HROB: variants seen among roughly 807,000 people sequenced by gnomAD.
HROB encodes the protein homologous recombination OB-fold protein.
Under a neutral mutation model 61.0 loss-of-function variants are expected in HROB, and 44 were observed. That is an observed-to-expected ratio of 0.72 (90% confidence interval 0.57 to 0.93). The LOEUF (loss-of-function observed/expected upper bound fraction) is 0.93. Among genes scored for constraint, HROB ranks in the 40% least tolerant of loss-of-function variants. The pLI is 0.00. For synonymous variants in HROB, 301 were observed against 310.4 expected, an observed-to-expected ratio of 0.97 and a Z score of 0.32; for missense variants, 716 against 796.2, an observed-to-expected ratio of 0.90 and a Z score of 1.21.
In HROB at chr17:44,142,066, C is replaced by T; in HGVS notation, c.-77C>T. ...CGGAGTCCGAGACTTCCACCTGGGTCGTGTCCAAGGCCCCGGCGACTCCCC... is the reference window on the plus strand; with the variant it reads ...CGGAGTCCGAGACTTCCACCTGGGTTGTGTCCAAGGCCCCGGCGACTCCCC... On this transcript the variant is annotated 5_prime_UTR_variant, in exon 1 of 10. Transcript: ENST00000585683. The T allele has an allele frequency of 6.6e-7, 1 of 1,515,378 alleles. No individual in the cohort carries two copies. The highest frequency in any genetic ancestry group is 8.8e-7 in the Non-Finnish European group (1 of 1,130,466). 93.9% of individuals were successfully genotyped at this position (1,515,378 alleles called of 1,614,324 possible).
chr17:44,148,869 C>A lies in HROB; in HGVS notation c.1066C>A (p.Pro356Thr). ...TTCCATTGGGTCTCCTGTTGGTACCCCAAAAGGTCCCCAGGGAGCTCTGCA... is the reference window on the plus strand; with the variant it reads ...TTCCATTGGGTCTCCTGTTGGTACCACAAAAGGTCCCCAGGGAGCTCTGCA... ...VSSIGSPVGTPKGPQGALQTP... is the reference protein window; with the variant it reads ...VSSIGSPVGTTKGPQGALQTP... Residue 356 changes from proline to threonine, a missense_variant, in exon 3 of 10, where the codon CCA becomes ACA. By Grantham distance (38) the Pro-to-Thr change is conservative. Coordinates refer to ENST00000585683, the MANE Select transcript of HROB (RefSeq NM_001171251.3). The A allele has an allele frequency of 3.7e-6, 6 of 1,614,178 alleles. No individual in the cohort carries two copies. The highest frequency in any genetic ancestry group is 4.2e-6 in the Non-Finnish European group (5 of 1,180,028).
intron 2 of HROB, among the ~76,000 whole-genome samples, chr17:44,147,433 TTTC>T (rs1286703434): frequency 7.6e-6 from 1 of 132,300 alleles, no homozygotes; most frequent in Non-Finnish European, 1.5e-5. Context: ...TTTTCTTTTC[TTTC>T]TTTTTTTTTT....
chr17:44,145,192 TTTC>T lies in HROB; in HGVS notation c.4-8_4-6del. 6.2e-7 allele frequency: 1 copy of T among 1,613,892 alleles called. No homozygotes were observed. Among genetic ancestry groups the T allele is most frequent in the Non-Finnish European group, 8.5e-7 (1 of 1,179,762 alleles). ...TATTTCTCAACCCCAGTTGGTTTTTTTTCTTTTCAGGCGTGCAGTTTGCAGAAG... is the reference window on the plus strand; with the variant it reads ...TATTTCTCAACCCCAGTTGGTTTTTTTTTTCAGGCGTGCAGTTTGCAGAAG... On this transcript the variant is annotated splice_region_variant and splice_polypyrimidine_tract_variant and intron_variant, in intron 1 of 9. Transcript: ENST00000585683.
rs754700735 is a variant in HROB, at chr17:44,148,577, A to T, written c.774A>T (p.Thr258=). ...VGHLPVPTAL[T]VPTQQLHWEV... ...ACCTTCCTGTTCCAACTGCCTTAAC[A>T]GTTCCCACTCAGCAACTCCACTGGG... is the stretch of plus-strand genomic sequence containing the variant. The change falls in exon 3 of 10, where the codon ACA becomes ACT. Residue 258 remains threonine (T), a synonymous_variant. Transcript: ENST00000585683. 3.7e-6 allele frequency: 6 copies of T among 1,613,942 alleles called. No homozygotes were observed. The Admixed American group carries it at 1.0e-4, about 27-fold the overall frequency.
intron 5 of HROB, among the ~76,000 whole-genome samples, chr17:44,153,570 A>G (rs1235674357): frequency 6.6e-6 from 1 of 152,062 alleles, no homozygotes; most frequent in South Asian, 2.1e-4. Context: ...ACCTGGAGAA[A>G]CCCTGTCTCT....
At position 44,148,631 on chromosome 17, in the gene HROB, A is replaced by G. The variant is rs1281495230; in HGVS notation, c.828A>G (p.Gln276=). The change falls in exon 3 of 10, where the codon CAA becomes CAG. Residue 276 remains glutamine, a synonymous_variant. Transcript: ENST00000585683. ...TCTGTCCGCAACGCTCCCCTGTTCA[A>G]GCACTTCAGCCTCTCCAAGCTGCTA... ...WEVCPQRSPV[Q]ALQPLQAARG... is the part of the protein sequence containing the mutation. 6 of 1,613,504 alleles carry G rather than the reference A, an allele frequency of 3.7e-6. No homozygotes were observed. The highest frequency in any genetic ancestry group is 5.1e-6 in the Non-Finnish European group (6 of 1,180,018).
At chr17:44,155,610 G>A (rs2053949050) in intron 8 of HROB, among the ~76,000 whole-genome samples, 199 bp downstream of exon 8, 1 of 152,178 alleles carries the variant, frequency 6.6e-6, no homozygotes, top group Non-Finnish European at 1.5e-5. Context: ...ACAGTACCTA[G>A]AGGAGCAGCT....
rs751052551 is a variant in HROB at position 44,148,342 on chromosome 17, G to A, written c.539G>A (p.Ser180Asn). The A allele has an allele frequency of 1.2e-6, 2 of 1,614,168 alleles. No homozygotes were observed. Among genetic ancestry groups the A allele is most frequent in the East Asian group, 2.2e-5 (1 of 44,882 alleles). ...PGMELECGVS[S>N]EAIPILPAQQ... Reference sequence around the variant, plus strand: ...ATGGAGCTGGAATGTGGAGTCAGCAGTGAGGCCATACCAATCCTGCCTGCC... The same window carrying A: ...ATGGAGCTGGAATGTGGAGTCAGCAATGAGGCCATACCAATCCTGCCTGCC... Residue 180 changes from serine (S) to asparagine (N), a missense_variant, in exon 3 of 10, where the codon AGT becomes AAT. Transcript: ENST00000585683.
intron 8 of HROB, 49 bp downstream of exon 8, chr17:44,155,460 C>G (rs2053945433): frequency 6.2e-7 from 1 of 1,602,310 alleles, no homozygotes; most frequent in African/African-American, 1.3e-5. Flanking sequence ...CTCCTTCTGC[C>G]TGGATCTTCT....
chr17:44,149,913 T>C (rs1477240595), intron 3 of HROB, among the ~76,000 whole-genome samples: 1 of 152,246 alleles, frequency 6.6e-6, no homozygotes, highest in African/African-American at 2.4e-5. Flanking sequence ...TTAGGCTTGC[T>C]GAGTGGGCTT....
At chr17:44,155,219 C>G (rs1165987918) in intron 7 of HROB, 67 bp from the exon 8 acceptor site, 2 of 1,595,702 alleles carry the variant, frequency 1.3e-6, no homozygotes, top group East Asian at 4.5e-5. Flanking sequence ...CAGGTGGGAG[C>G]CAGGTGTCCA....
intron 3 of HROB, 23 bp downstream of exon 3, chr17:44,149,050 A>T: frequency 6.3e-7 from 1 of 1,597,800 alleles, no homozygotes; most frequent in East Asian, 2.2e-5. Flanking sequence ...GCTTTCTAGG[A>T]TTTGGTGGGC....
Position 44,157,930 on chromosome 17 carries a change from TC to T in HROB, c.1871del (p.Pro624GlnfsTer10), listed in dbSNP as rs2054020977. On this transcript the variant is annotated frameshift_variant, in exon 9 of 10. Coordinates refer to ENST00000585683, the MANE Select transcript of HROB (RefSeq NM_001171251.3). LOFTEE classifies it high-confidence loss of function. ...LEAEASPEEE[L>X]PEADDLDGLL... Reference sequence around the variant, plus strand: ...GCAGAGGCGTCCCCTGAGGAAGAACTCCCAGAAGCAGGTAAAGCAGTCAGCC... The same window carrying T: ...GCAGAGGCGTCCCCTGAGGAAGAACTCCAGAAGCAGGTAAAGCAGTCAGCC... 6.2e-7 allele frequency: 1 copy of T among 1,612,690 alleles called. No homozygotes were observed. The highest frequency in any genetic ancestry group is 1.7e-5 in the Admixed American group (1 of 59,874).
In HROB at chr17:44,155,384, C is replaced by T; in HGVS notation, c.1743C>T (p.Phe581=). The change falls in exon 8 of 10, where the codon TTC becomes TTT. Residue 581 remains phenylalanine, a synonymous_variant. Coordinates refer to ENST00000585683, the MANE Select transcript of HROB (RefSeq NM_001171251.3). ...GCCCGGATTCTGGGGATGGGAGCTTCCTCAAGCCATCTCAGCCCTTCCCCA... is the reference window on the plus strand; with the variant it reads ...GCCCGGATTCTGGGGATGGGAGCTTTCTCAAGCCATCTCAGCCCTTCCCCA... ...IYSPDSGDGS[F]LKPSQPFPKD... 1 of 1,614,212 alleles carries T rather than the reference C, an allele frequency of 6.2e-7. No homozygotes were observed. The highest frequency in any genetic ancestry group is 1.3e-5 in the African/African-American group (1 of 75,062).
chr17:44,161,074 C>T (rs148996652), intron 9 of HROB, among the ~76,000 whole-genome samples: 1,703 of 152,022 alleles, frequency 0.011, 29 homozygotes, highest in African/African-American at 0.039. Context: ...TGGTGGTGGG[C>T]GCCTGTAAGT....
chr17:44,152,572 C>G (rs2143998468), intron 4 of HROB, 65 bp from the exon 5 acceptor site: 2 of 1,556,506 alleles, frequency 1.3e-6, no homozygotes, highest in Admixed American at 1.9e-5. Context: ...CACCCTGTTT[C>G]AATCAAGAGT....
chr17:44,150,287 G>A (rs551221622), intron 3 of HROB, among the ~76,000 whole-genome samples: 5 of 152,160 alleles, frequency 3.3e-5, no homozygotes, highest in African/African-American at 1.2e-4. Flanking sequence ...CAAAGAGGCC[G>A]TCTATGTTCC....
In HROB at chr17:44,148,019, G is replaced by A; in HGVS notation, c.216G>A (p.Leu72=). The A allele has an allele frequency of 2.5e-6, 4 of 1,613,994 alleles. No individual in the cohort carries two copies. Among genetic ancestry groups the A allele is most frequent in the Non-Finnish European group, 3.4e-6 (4 of 1,180,034 alleles). ...ACCCCACTGCTCCCTCAGAGGCTTT[G>A]GGCCTGCCAGACTTGGACCTCTGCC... is the stretch of plus-strand genomic sequence containing the variant. ...LLHPTAPSEA[L]GLPDLDLCLP... is the part of the protein sequence containing the mutation. The change falls in exon 3 of 10, where the codon TTG becomes TTA. Residue 72 remains leucine, a synonymous_variant. Transcript: ENST00000585683.
At chr17:44,142,516 G>A (rs1270544071) in intron 1 of HROB, among the ~76,000 whole-genome samples, 6 of 149,258 alleles carry the variant, frequency 4.0e-5, no homozygotes, top group Non-Finnish European at 8.9e-5. Context: ...GCCCAGGCTG[G>A]AGTGCAGTGG....
Sources: allele counts gnomAD v4.1 joint callset (sites outside exome capture counted in the v4.1 genomes callset), GRCh38; gene constraint gnomAD v4.1.1; transcripts MANE v1.5; gene names NCBI Gene and HGNC (gene_info 2026-07-23, HGNC 2026-07-21).